CD37: variants seen among roughly 807,000 people sequenced by gnomAD.
CD37 encodes CD37 molecule.
CD37 carries 37 observed loss-of-function variants against 38.9 expected under a neutral mutation model. That is an observed-to-expected ratio of 0.95 (90% confidence interval 0.73 to 1.25). CD37 has a LOEUF of 1.25. Ranked by LOEUF, CD37 falls within the 50% of genes most tolerant of loss-of-function variation. The pLI, the probability that CD37 is intolerant of heterozygous loss-of-function variation, is 0.00. For missense variants in CD37, 351 were observed against 360.1 expected (o/e 0.97, Z 0.20); for synonymous variants, 146 against 150.1 (o/e 0.97, Z 0.20).
rs1007186219 is a variant in CD37, at chr19:49,340,114, T to C, written c.769-137T>C. ...GGCAGTTCCCGTCGAGCCCCGCCCT[T>C]TTCTACCTATCCCCTTCTCCAGCCC... On this transcript the variant is annotated intron_variant, in intron 7 of 7. Coordinates refer to ENST00000323906, the MANE Select transcript of CD37 (RefSeq NM_001774.3). The C allele has an allele frequency of 7.1e-5, 109 of 1,534,376 alleles. No individual in the cohort carries two copies. In the African/African-American group the frequency reaches 1.4e-3, roughly 19 times the overall value.
intron 7 of CD37, 52 bp from the exon 8 acceptor site, chr19:49,340,199 C>G: frequency 6.5e-7 from 1 of 1,543,210 alleles, no homozygotes; most frequent in Non-Finnish European, 8.9e-7. Flanking sequence ...GCATCACCCC[C>G]GTCTCGCCAG....
rs752778752 is a variant in CD37 at position 49,335,503 on chromosome 19, C to A, written c.-38C>A. 5 of 1,485,980 alleles carry A rather than the reference C, an allele frequency of 3.4e-6. No individual in the cohort carries two copies. In the Admixed American group the frequency reaches 6.7e-5, roughly 20 times the overall value. The allele number at this position is 1,485,980 out of a possible 1,614,324, so 92.0% of individuals were successfully genotyped here. A position where few individuals can be genotyped will look rare whatever the true frequency, so the allele number is the denominator to read the frequency against. On this transcript the variant is annotated 5_prime_UTR_variant, in exon 1 of 8. It adds an upstream start codon to the 5' untranslated region. Coordinates refer to ENST00000323906, the MANE Select transcript of CD37 (RefSeq NM_001774.3). The surrounding 1 kb of genome is among the most constrained non-coding windows in gnomAD (Gnocchi z 4.6). ...GTCTCCCCCACTGTCAGCACCTCTT[C>A]TGTGTGGTGAGTGGACCGCTTACCC...
chr19:49,337,932 G>A lies in CD37; in HGVS notation c.350G>A (p.Arg117Gln), dbSNP rs1971020746. The A allele has an allele frequency of 6.2e-7, 1 of 1,614,096 alleles. No individual in the cohort carries two copies. Among genetic ancestry groups the A allele is most frequent in the Non-Finnish European group, 8.5e-7 (1 of 1,179,992 alleles). ...TCACTGGTGGCCTCTCAGCTGGAGC[G>A]AAGCTTGCGGGACGTCGTAGAGAAA... Reference protein sequence around the residue: ...LISTQRAQLERSLRDVVEKTI... With the variant: ...LISTQRAQLEQSLRDVVEKTI... Residue 117 changes from arginine (R) to glutamine (Q), a missense_variant, in exon 5 of 8, where the codon CGA becomes CAA. Transcript: ENST00000323906.
chr19:49,339,713 G>A lies in CD37; in HGVS notation c.768+300G>A. 7.1e-7 allele frequency: 1 copy of A among 1,403,296 alleles called. No homozygotes were observed. The highest frequency in any genetic ancestry group is 9.2e-7 in the Non-Finnish European group (1 of 1,084,154). 86.9% of individuals were successfully genotyped at this position (1,403,296 alleles called of 1,614,324 possible). On this transcript the variant is annotated intron_variant, in intron 7 of 7. Coordinates refer to ENST00000323906, the MANE Select transcript of CD37 (RefSeq NM_001774.3). This position sits in a 1 kb window ranked among gnomAD's most constrained non-coding sequence, Gnocchi z 4.5. The stretch of plus-strand genomic sequence containing the variant: ...CAGCGCAGGGCACTCCGCCGGAAAT[G>A]CGAGCCGCACGTGCCGGGCGCTGGG...
rs545269765 is a variant in CD37 at position 49,336,532 on chromosome 19, T to C, written c.143-377T>C. On this transcript the variant is annotated intron_variant, in intron 2 of 7. Coordinates refer to ENST00000323906, the MANE Select transcript of CD37 (RefSeq NM_001774.3). The stretch of plus-strand genomic sequence containing the variant: ...GAGATCACATCACTGCACTCCAGCC[T>C]GGGGGACAGAGCGAGGCTCCAACTC... 14 of 189,996 alleles carry C rather than the reference T, an allele frequency of 7.4e-5. No individual in the cohort carries two copies. In the East Asian group the frequency reaches 2.0e-3, roughly 28 times the overall value. 11.8% of individuals were successfully genotyped at this position (189,996 alleles called of 1,614,324 possible).
Position 49,337,989 on chromosome 19 carries a change from A to G in CD37, c.407A>G (p.Glu136Gly). 2 of 1,614,052 alleles carry G rather than the reference A, an allele frequency of 1.2e-6. No individual in the cohort carries two copies. Among genetic ancestry groups the G allele is most frequent in the Non-Finnish European group, 1.7e-6 (2 of 1,179,976 alleles). ...TIQKYGTNPE[E>G]TAAEESWDYV... ...CAAAAGTACGGCACCAACCCCGAGG[A>G]GACCGCGGCCGAGGAGAGCTGGGAC... Residue 136 changes from glutamate to glycine, a missense_variant, in exon 5 of 8, where the codon GAG (glutamate) becomes GGG (glycine). Transcript: ENST00000323906.
Position 49,337,127 on chromosome 19 carries a change from C to T in CD37, c.268-20C>T, listed in dbSNP as rs1970986341. The T allele has an allele frequency of 3.7e-6, 6 of 1,614,104 alleles. No homozygotes were observed. The highest frequency in any genetic ancestry group is 5.1e-6 in the Non-Finnish European group (6 of 1,179,942). ...GGGTTGCAGGGGTGGTCAGCCTGAT[C>T]TCTCCACTCTGCTCCCCAGTATTTT... On this transcript the variant is annotated intron_variant, in intron 3 of 7. Transcript: ENST00000323906.
rs1285413123 is a variant in CD37 at position 49,339,077 on chromosome 19, A to G, written c.684+141A>G. ...ACGGCAGGAGGGGCGGGGCCCTCTG[A>G]AGGGGGCGGGGTCTGCAGGAAGGGC... is the stretch of plus-strand genomic sequence containing the variant. On this transcript the variant is annotated intron_variant, in intron 6 of 7. Transcript: ENST00000323906. The surrounding 1 kb of genome is among the most constrained non-coding windows in gnomAD (Gnocchi z 4.5). The G allele has an allele frequency of 6.7e-6, 5 of 747,604 alleles. No individual in the cohort carries two copies. Among genetic ancestry groups the G allele is most frequent in the South Asian group, 1.7e-5 (1 of 60,500 alleles). The allele number at this position is 747,604 out of a possible 1,614,324, so 46.3% of individuals were successfully genotyped here. A position where few individuals can be genotyped will look rare whatever the true frequency, so the allele number is the denominator to read the frequency against.
rs765510195 is a variant in CD37, at chr19:49,339,339, C to A, written c.694C>A (p.Gln232Lys). 6 of 1,613,946 alleles carry A rather than the reference C, an allele frequency of 3.7e-6. No individual in the cohort carries two copies. In the Admixed American group the frequency reaches 1.0e-4, roughly 27 times the overall value. ...TCCCTACACCCCCCAGGGCTGCGCG[C>A]AGGGCCTCCAGAAGTGGCTGCACAA... ...ESHIYREGCAQGLQKWLHNNL... is the reference protein window; with the variant it reads ...ESHIYREGCAKGLQKWLHNNL... Residue 232 changes from glutamine to lysine, a missense_variant, in exon 7 of 8, where the codon CAG (glutamine) becomes AAG (lysine). By Grantham distance (53) the Gln-to-Lys change is moderately conservative. Coordinates refer to ENST00000323906, the MANE Select transcript of CD37 (RefSeq NM_001774.3). The surrounding 1 kb of genome is among the most constrained non-coding windows in gnomAD (Gnocchi z 4.5).
At chr19:49,336,718 G>A in intron 2 of CD37, 191 bp from the exon 3 acceptor site, 1 of 581,190 alleles carries the variant, frequency 1.7e-6, no homozygotes, top group Non-Finnish European at 3.0e-6. Flanking sequence ...AGAGATCCAG[G>A]GACGGGAAAC....
rs1971150416 is a variant in CD37 at position 49,339,977 on chromosome 19, A to G, written c.769-274A>G. The G allele has an allele frequency of 4.9e-6, 7 of 1,424,342 alleles. No homozygotes were observed. The highest frequency in any genetic ancestry group is 6.4e-6 in the Non-Finnish European group (7 of 1,091,136). The allele number at this position is 1,424,342 out of a possible 1,614,324, so 88.2% of individuals were successfully genotyped here. A position where few individuals can be genotyped will look rare whatever the true frequency, so the allele number is the denominator to read the frequency against. On this transcript the variant is annotated intron_variant, in intron 7 of 7. Transcript: ENST00000323906. The surrounding 1 kb of genome is among the most constrained non-coding windows in gnomAD (Gnocchi z 4.5). ...CAATTAGAGGCTGAGGCAGAGGGGG[A>G]AGACAGATGAGCCTCCAAAATAAAG...
Position 49,340,583 on chromosome 19 carries a change from AAATC to A in CD37, c.*256_*259del. ...ATTATTTTTCACCCAAACCTCAAAT[AAATC>A]CCCTGCGTTTTTGGTAAAATAGCTT... On this transcript the variant is annotated 3_prime_UTR_variant, in exon 8 of 8. Coordinates refer to ENST00000323906, the MANE Select transcript of CD37 (RefSeq NM_001774.3). 1 of 592,834 alleles carries A rather than the reference AAATC, an allele frequency of 1.7e-6. No individual in the cohort carries two copies. The highest frequency in any genetic ancestry group is 3.0e-6 in the Non-Finnish European group (1 of 332,216). The allele number at this position is 592,834 out of a possible 1,614,324, so 36.7% of individuals were successfully genotyped here.
Position 49,335,868 on chromosome 19 carries a change from C to A in CD37, c.142+82C>A. The stretch of plus-strand genomic sequence containing the variant: ...GTCTCCCTTGTCTCAGGGAGACCTA[C>A]GGTGCCCTACTCTGCAGGCAGGCTA... On this transcript the variant is annotated intron_variant, in intron 2 of 7. Coordinates refer to ENST00000323906, the MANE Select transcript of CD37 (RefSeq NM_001774.3). This position sits in a 1 kb window ranked among gnomAD's most constrained non-coding sequence, Gnocchi z 4.6. 8.8e-7 allele frequency: 1 copy of A among 1,132,856 alleles called. No homozygotes were observed. The highest frequency in any genetic ancestry group is 1.3e-6 in the Non-Finnish European group (1 of 751,360). The allele number at this position is 1,132,856 out of a possible 1,614,324, so 70.2% of individuals were successfully genotyped here.
In CD37 at chr19:49,338,226, C is replaced by G. The variant is rs1048984388; in HGVS notation, c.447+197C>G. ...CGCCTGGTCTCCCAGTACCCAGACC[C>G]TGGCGTGGCTTCGCCATCTACCTCG... On this transcript the variant is annotated intron_variant, in intron 5 of 7. Coordinates refer to ENST00000323906, the MANE Select transcript of CD37 (RefSeq NM_001774.3). The surrounding 1 kb of genome is among the most constrained non-coding windows in gnomAD (Gnocchi z 5.0). 1 of 1,426,876 alleles carries G rather than the reference C, an allele frequency of 7.0e-7. No individual in the cohort carries two copies. The highest frequency in any genetic ancestry group is 9.1e-7 in the Non-Finnish European group (1 of 1,094,880). The allele number at this position is 1,426,876 out of a possible 1,614,324, so 88.4% of individuals were successfully genotyped here.
Position 49,338,160 on chromosome 19 carries a change from G to A in CD37, c.447+131G>A. 2.1e-6 allele frequency: 3 copies of A among 1,457,312 alleles called. No homozygotes were observed. Among genetic ancestry groups the A allele is most frequent in the South Asian group, 1.4e-5 (1 of 70,096 alleles). 90.3% of individuals were successfully genotyped at this position (1,457,312 alleles called of 1,614,324 possible). ...ACACACCCCAATCCCTCCCAGGCCC[G>A]ACGCTCCCCACTCCCCAGATGACAC... is the stretch of plus-strand genomic sequence containing the variant. On this transcript the variant is annotated intron_variant, in intron 5 of 7. Transcript: ENST00000323906. This position sits in a 1 kb window ranked among gnomAD's most constrained non-coding sequence, Gnocchi z 5.0.
chr19:49,340,350 C>A lies in CD37; in HGVS notation c.*22C>A, dbSNP rs765540004. On this transcript the variant is annotated 3_prime_UTR_variant, in exon 8 of 8. Transcript: ENST00000323906. ...TTAGGCCCCGCCCTCCCCAAAGTCC[C>A]GCCCCGCCCCCGTCACGTGCGCTGG... The A allele has an allele frequency of 5.9e-6, 9 of 1,521,800 alleles. No individual in the cohort carries two copies. In the East Asian group the frequency reaches 2.0e-4, roughly 34 times the overall value. 94.3% of individuals were successfully genotyped at this position (1,521,800 alleles called of 1,614,324 possible).
At chr19:49,337,120 G>A in intron 3 of CD37, 27 bp from the exon 4 acceptor site, 1 of 1,614,134 alleles carries the variant, frequency 6.2e-7, no homozygotes, top group Non-Finnish European at 8.5e-7. Flanking sequence ...GGGGTGGTCA[G>A]CCTGATCTCT....
rs530936098 is a variant in CD37 at position 49,335,539 on chromosome 19, A to C, written c.-2A>C. Reference sequence around the variant, plus strand: ...GTGGACCGCTTACCCCACTAGGTGAAGATGTCAGCCCAGGAGAGCTGCCTC... The same window carrying C: ...GTGGACCGCTTACCCCACTAGGTGACGATGTCAGCCCAGGAGAGCTGCCTC... On this transcript the variant is annotated 5_prime_UTR_variant, in exon 1 of 8. Transcript: ENST00000323906. This position sits in a 1 kb window ranked among gnomAD's most constrained non-coding sequence, Gnocchi z 4.6. 21 of 1,613,030 alleles carry C rather than the reference A, an allele frequency of 1.3e-5. No individual in the cohort carries two copies. Among genetic ancestry groups the C allele is most frequent in the Non-Finnish European group, 1.7e-5 (20 of 1,179,070 alleles).
chr19:49,340,219 G>T, intron 7 of CD37, 32 bp from the exon 8 acceptor site: 1 of 1,591,200 alleles, frequency 6.3e-7, no homozygotes. Flanking sequence ...GCACCCCTTC[G>T]ACTTCTCTGA....
Sources: gnomAD v4.1 joint callset for allele counts on GRCh38, gnomAD v4.1.1 for gene constraint, Gnocchi (gnomAD v3.1) non-coding constraint, MANE v1.5 for transcripts, NCBI Gene and HGNC (gene_info 2026-07-23, HGNC 2026-07-21) for gene names.